PGAP2: variants seen among roughly 807,000 people sequenced by gnomAD.
PGAP2 encodes the protein post-GPI attachment to proteins 2.
PGAP2 carries 21 observed loss-of-function variants against 33.2 expected under a neutral mutation model. That is an observed-to-expected ratio of 0.63 (90% confidence interval 0.45 to 0.91). PGAP2 has a LOEUF of 0.91. PGAP2 is among the 40% of genes least tolerant of loss of function. The pLI, the probability that PGAP2 is intolerant of heterozygous loss-of-function variation, is 0.00. For missense variants in PGAP2, 345 were observed against 424.0 expected, an observed-to-expected ratio of 0.81 and a Z score of 1.64; for synonymous variants, 161 against 172.9, an observed-to-expected ratio of 0.93 and a Z score of 0.54.
At chr11:3,823,775 G>A (rs772762063) in intron 3 of PGAP2, 108 bp from the exon 4 acceptor site, 2 of 1,599,080 alleles carry the variant, frequency 1.3e-6, no homozygotes, top group Admixed American at 1.7e-5. Context: ...TTCTTGGAAG[G>A]GGAGGGGCTG....
At chr11:3,807,305 A>C (rs1386149729), upstream of PGAP2, among the ~76,000 whole-genome samples, 9 of 96,972 alleles carry the variant, frequency 9.3e-5, no homozygotes, top group Non-Finnish European at 2.0e-4. Flanking sequence ...ATCTATTTTC[A>C]CAGGTTTTTT....
chr11:3,824,653 G>T, intron 5 of PGAP2: 1 of 722,624 alleles, frequency 1.4e-6, no homozygotes, highest in Non-Finnish European at 2.2e-6. Flanking sequence ...CTAGGCGGCA[G>T]TGAGTTAGGA....
chr11:3,809,622 G>A (rs1038152234), intron 1 of PGAP2, among the ~76,000 whole-genome samples: 1 of 152,184 alleles, frequency 6.6e-6, no homozygotes, highest in Non-Finnish European at 1.5e-5. Context: ...TAGTGCTACT[G>A]CAACTGCAGA....
chr11:3,818,987 A>AT (rs1204052330), intron 3 of PGAP2, among the ~76,000 whole-genome samples: 1 of 152,220 alleles, frequency 6.6e-6, no homozygotes, highest in East Asian at 1.9e-4. Context: ...CCAGAGGGCA[A>AT]TTTTTATCAA....
Position 3,825,456 on chromosome 11 carries a change from T to C in PGAP2, c.946T>C (p.Ter316ArgextTer40). 1 of 1,612,866 alleles carries C rather than the reference T, an allele frequency of 6.2e-7. No homozygotes were observed. Among genetic ancestry groups the C allele is most frequent in the Non-Finnish European group, 8.5e-7 (1 of 1,179,822 alleles). Residue 316 changes from the stop codon to arginine, a stop_lost, in exon 7 of 7, where the codon TGA becomes CGA. Transcript: ENST00000278243. ...CTCTCAGCCTGAGGAAAAGCGATTCTGAACCCTTCAGTCCTGCTTGGGAGG... is the reference window on the plus strand; with the variant it reads ...CTCTCAGCCTGAGGAAAAGCGATTCCGAACCCTTCAGTCCTGCTTGGGAGG... ...ITSQPEEKRF* is the reference protein window; with the variant it reads ...ITSQPEEKRFR
chr11:3,819,988 C>T (rs2088141194), intron 3 of PGAP2, among the ~76,000 whole-genome samples: 1 of 152,142 alleles, frequency 6.6e-6, no homozygotes, highest in African/African-American at 2.4e-5. Flanking sequence ...TGAGGCCTTC[C>T]CCAAACTCTG....
chr11:3,820,020 G>A (rs187266854), intron 3 of PGAP2, among the ~76,000 whole-genome samples: 66 of 152,240 alleles, frequency 4.3e-4, no homozygotes, highest in African/African-American at 1.5e-3. Context: ...CCCAGTACCT[G>A]TTCCCAACAG....
At position 3,824,094 on chromosome 11, in the gene PGAP2, C is replaced by T. The variant is rs375763335; in HGVS notation, c.560C>T (p.Ala187Val). ...GGCCTCAATGTCGTGGAGAACCTCG[C>T]GTTGCTAGTGCTCACTTATGTCTCC... ...NFGLNVVENL[A>V]LLVLTYVSSS... The change falls in exon 4 of 7, where the codon GCG becomes GTG. Residue 187 changes from alanine to valine, a missense_variant. Physicochemically the swap from Ala to Val is moderately conservative, Grantham distance 64 (BLOSUM62 0). This residue lies in a region of PGAP2 where 311 missense variants were observed against 353.6 expected (regional missense o/e 0.88). Transcript: ENST00000278243. 8 of 1,614,070 alleles carry T rather than the reference C, an allele frequency of 5.0e-6. No homozygotes were observed. The highest frequency in any genetic ancestry group is 6.8e-6 in the Non-Finnish European group (8 of 1,180,046).
intron 5 of PGAP2, chr11:3,824,696 A>G (rs2089681658): frequency 2.2e-6 from 2 of 893,098 alleles, no homozygotes; most frequent in South Asian, 3.7e-5. Flanking sequence ...TCATAATTCC[A>G]GCGCCCCACC....
At chr11:3,799,449 G>A (rs1037419927) in intron 1 of PGAP2, among the ~76,000 whole-genome samples, 4 of 152,250 alleles carry the variant, frequency 2.6e-5, no homozygotes, top group African/African-American at 7.2e-5. Context: ...GCTGAGGCAC[G>A]AGAATGGCTT....
intron 3 of PGAP2, among the ~76,000 whole-genome samples, chr11:3,819,176 T>A (rs1048876064): frequency 6.6e-6 from 1 of 152,130 alleles, no homozygotes; most frequent in African/African-American, 2.4e-5. Flanking sequence ...GCCTCAGCCT[T>A]GGGTAGCTGG....
At chr11:3,818,211 A>G (rs2087605291) in intron 3 of PGAP2, among the ~76,000 whole-genome samples, 1 of 151,824 alleles carries the variant, frequency 6.6e-6, no homozygotes. Flanking sequence ...AAAAAATACA[A>G]AAAAATTAGC....
upstream of PGAP2, among the ~76,000 whole-genome samples, chr11:3,807,120 G>A (rs1183434363): frequency 6.6e-6 from 1 of 151,316 alleles, no homozygotes; most frequent in Admixed American, 6.6e-5. Flanking sequence ...GGCAGATCAC[G>A]AGGTCAGGAG....
intron 1 of PGAP2, among the ~76,000 whole-genome samples, chr11:3,801,810 T>C (rs1397560625): frequency 6.6e-6 from 1 of 151,812 alleles, no homozygotes; most frequent in African/African-American, 2.4e-5. Context: ...CCAGGCATAG[T>C]TGCCCACGCC....
At chr11:3,819,522 A>T (rs1011597926) in intron 3 of PGAP2, among the ~76,000 whole-genome samples, 1 of 151,970 alleles carries the variant, frequency 6.6e-6, no homozygotes, top group Non-Finnish European at 1.5e-5. Context: ...GAAGGCATCT[A>T]TAATGTGGGG....
rs540723833 is a variant in PGAP2, at chr11:3,802,969, G to A, written c.139+4987G>A. 1.8e-3 allele frequency among the ~76,000 whole-genome samples: 264 copies of A among 149,924 alleles called. 1 individual carries two copies. The highest frequency in any genetic ancestry group is 6.0e-3 in the African/African-American group (247 of 40,912). ...AGCCTCCCGAGTAGCTGGGACTACA[G>A]GCGCCTGCCACCACACCCGGCTAAT... On this transcript the variant is annotated intron_variant, in intron 1 of 6. Transcript: ENST00000300730.
intron 2 of PGAP2, among the ~76,000 whole-genome samples, chr11:3,815,875 G>C (rs1283150458): frequency 6.6e-6 from 1 of 152,102 alleles, no homozygotes; most frequent in Non-Finnish European, 1.5e-5. Flanking sequence ...TTTCTCCAGT[G>C]AGGCCCAACA....
Position 3,808,663 on chromosome 11 carries a change from C to T in PGAP2, c.-11+12C>T, listed in dbSNP as rs1590191837. 1 of 1,193,480 alleles carries T rather than the reference C, an allele frequency of 8.4e-7. No individual in the cohort carries two copies. Among genetic ancestry groups the T allele is most frequent in the East Asian group, 4.9e-5 (1 of 20,420 alleles). 73.9% of individuals were successfully genotyped at this position (1,193,480 alleles called of 1,614,324 possible). ...CCACCACCGCGTGGGTGAGTATGGG[C>T]ATGGATGTGCTGGGCTGCCGGGCAG... On this transcript the variant is annotated intron_variant, in intron 1 of 6. Transcript: ENST00000278243.
chr11:3,806,681 G>A (rs2084398555), upstream of PGAP2, among the ~76,000 whole-genome samples: 1 of 152,218 alleles, frequency 6.6e-6, no homozygotes. Flanking sequence ...TGTATTAGCT[G>A]TGTAAGTAGG....
Sources: gnomAD v4.1 joint callset for allele counts (sites outside exome capture counted in the v4.1 genomes callset) on GRCh38, gnomAD v4.1.1 for gene constraint, gnomAD v4.1.1 regional missense constraint, MANE v1.5 for transcripts, NCBI Gene and HGNC (gene_info 2026-07-23, HGNC 2026-07-21) for gene names.